AGBL1: variants seen among roughly 807,000 people sequenced by gnomAD.
AGBL1 encodes the protein cytosolic carboxypeptidase 4.
AGBL1 carries 130 observed loss-of-function variants against 118.9 expected under a neutral mutation model. The ratio of observed to expected loss-of-function variants is 1.09; its 90% confidence interval spans 0.95 to 1.26. AGBL1 has a LOEUF of 1.26. Ranked by LOEUF, AGBL1 falls within the 50% of genes most tolerant of loss-of-function variation. The pLI is 0.00. For synonymous variants in AGBL1, 555 were observed against 478.9 expected, an observed-to-expected ratio of 1.16 and a Z score of -2.08; for missense variants, 1,584 against 1,298.1, an observed-to-expected ratio of 1.22 and a Z score of -3.38.
intron 5 of AGBL1, among the ~76,000 whole-genome samples, chr15:86,194,903 G>T (rs1156611846): frequency 1.3e-5 from 2 of 152,140 alleles, no homozygotes; most frequent in African/African-American, 4.8e-5. Flanking sequence ...TGTCATTTAG[G>T]TCTTACTGTA....
intron 21 of AGBL1, among the ~76,000 whole-genome samples, chr15:86,560,769 G>C (rs2083806764): frequency 6.6e-6 from 1 of 152,152 alleles, no homozygotes; most frequent in Admixed American, 6.6e-5. Context: ...GTGTAAAACA[G>C]TTCCTATTTC....
rs534303107 is a variant in AGBL1 at position 86,447,815 on chromosome 15, C to T, written c.2555+50269C>T. ...TGAATACAAAGAGAGGACAGTATAC[C>T]TTGTAAAAGAACTAATAATATAAGG... is the stretch of plus-strand genomic sequence containing the variant. On this transcript the variant is annotated intron_variant, in intron 18 of 22. Coordinates refer to ENST00000614907, the MANE Select transcript of AGBL1 (RefSeq NM_001386094.1). 3.9e-5 allele frequency among the ~76,000 whole-genome samples: 6 copies of T among 152,218 alleles called. No homozygotes were observed. In the East Asian group the frequency reaches 1.2e-3, roughly 29 times the overall value.
intron 9 of AGBL1, among the ~76,000 whole-genome samples, chr15:86,258,425 G>A (rs146597985): frequency 5.5e-4 from 83 of 152,180 alleles, no homozygotes; most frequent in African/African-American, 1.9e-3. Flanking sequence ...TCTGCACAGG[G>A]GTGCTGCATT....
intron 22 of AGBL1, among the ~76,000 whole-genome samples, chr15:86,681,284 A>C (rs1282132523): frequency 1.3e-5 from 2 of 152,064 alleles, no homozygotes; most frequent in African/African-American, 4.8e-5. Flanking sequence ...AATTTTGGTG[A>C]CTTTACATTT....
At chr15:86,233,368 T>A (rs2078487186) in intron 6 of AGBL1, among the ~76,000 whole-genome samples, 1 of 150,554 alleles carries the variant, frequency 6.6e-6, no homozygotes, top group African/African-American at 2.5e-5. Context: ...AGAAATTCTT[T>A]AGTAGCAAAA....
intron 22 of AGBL1, among the ~76,000 whole-genome samples, chr15:86,813,823 T>A (rs1241983528): frequency 6.6e-6 from 1 of 152,202 alleles, no homozygotes. Flanking sequence ...CTAATAATCT[T>A]ACTAGAGATA....
At chr15:86,444,775 C>A (rs570600574) in intron 18 of AGBL1, among the ~76,000 whole-genome samples, 1 of 152,186 alleles carries the variant, frequency 6.6e-6, no homozygotes, top group South Asian at 2.1e-4. Flanking sequence ...CGGCACAAGA[C>A]AAGGGGCCAC....
At chr15:86,426,805 C>T (rs188673512) in intron 18 of AGBL1, among the ~76,000 whole-genome samples, 1 of 152,306 alleles carries the variant, frequency 6.6e-6, no homozygotes, top group Admixed American at 6.5e-5. Flanking sequence ...CTCACTCTGT[C>T]ACCCAGGCTG....
At position 86,465,542 on chromosome 15, in the gene AGBL1, G is replaced by T. The variant is rs569282861; in HGVS notation, c.2556-57268G>T. ...TCAGAAAGCGAATAGGAGAAATATTGCAGAATTCTTTTCTCAGCAACGAAT... is the reference window on the plus strand; with the variant it reads ...TCAGAAAGCGAATAGGAGAAATATTTCAGAATTCTTTTCTCAGCAACGAAT... On this transcript the variant is annotated intron_variant, in intron 18 of 22. Transcript: ENST00000614907. Among the ~76,000 whole-genome samples, 223 of 152,298 alleles carry T rather than the reference G, an allele frequency of 1.5e-3. 6 individuals are homozygous for T. The South Asian group carries it at 0.044, about 30-fold the overall frequency.
chr15:86,495,325 A>T (rs2082835055), intron 18 of AGBL1, among the ~76,000 whole-genome samples: 1 of 151,610 alleles, frequency 6.6e-6, no homozygotes, highest in East Asian at 1.9e-4. Flanking sequence ...CGAAACTCTA[A>T]TGTCGTTTTT....
intron 17 of AGBL1, among the ~76,000 whole-genome samples, chr15:86,373,431 G>A (rs556184503): frequency 6.6e-6 from 1 of 152,296 alleles, no homozygotes; most frequent in South Asian, 2.1e-4. Flanking sequence ...AATCATAGAA[G>A]GCTTGCTCTA....
At chr15:86,410,414 G>A (rs1350912876) in intron 18 of AGBL1, among the ~76,000 whole-genome samples, 1 of 152,080 alleles carries the variant, frequency 6.6e-6, no homozygotes, top group Non-Finnish European at 1.5e-5. Flanking sequence ...CAACAAGACA[G>A]TCAGAAGAAG....
chr15:86,786,432 G>T (rs1033244318), intron 22 of AGBL1, among the ~76,000 whole-genome samples: 1 of 151,238 alleles, frequency 6.6e-6, no homozygotes, highest in African/African-American at 2.4e-5. Context: ...AAGGATATTG[G>T]GTACAATTAA....
At chr15:86,564,201 A>G (rs1049573675) in intron 21 of AGBL1, among the ~76,000 whole-genome samples, 6 of 152,182 alleles carry the variant, frequency 3.9e-5, no homozygotes. Context: ...TTTGCTCATT[A>G]GATGATGCAG....
intron 22 of AGBL1, among the ~76,000 whole-genome samples, chr15:86,699,917 T>C (rs1291488545): frequency 6.6e-6 from 1 of 152,134 alleles, no homozygotes; most frequent in Admixed American, 6.6e-5. Flanking sequence ...CATCCACTGA[T>C]GATTCTTTTT....
intron 22 of AGBL1, among the ~76,000 whole-genome samples, chr15:86,719,105 G>T (rs987605446): frequency 1.3e-5 from 2 of 152,224 alleles, no homozygotes; most frequent in South Asian, 4.2e-4. Flanking sequence ...TCAAAATTTA[G>T]TAAGTGATAG....
At position 86,573,547 on chromosome 15, in the gene AGBL1, G is replaced by T. The variant is rs144160382; in HGVS notation, c.2994+19010G>T. 3.1e-3 allele frequency among the ~76,000 whole-genome samples: 470 copies of T among 152,338 alleles called. 1 individual carries two copies. The highest frequency in any genetic ancestry group is 0.011 in the African/African-American group (449 of 41,570). ...TTTGAAAGTAGGGCAGGGTCAGGAAGTCCTTGATTTTTCTTTTATCCTAGT... is the reference window on the plus strand; with the variant it reads ...TTTGAAAGTAGGGCAGGGTCAGGAATTCCTTGATTTTTCTTTTATCCTAGT... On this transcript the variant is annotated intron_variant, in intron 21 of 22. Transcript: ENST00000614907.
intron 22 of AGBL1, among the ~76,000 whole-genome samples, chr15:86,789,542 G>T (rs948941119): frequency 6.6e-6 from 1 of 152,134 alleles, no homozygotes; most frequent in Non-Finnish European, 1.5e-5. Context: ...AGCTAAGGGG[G>T]AGGTGAGTAA....
chr15:86,634,216 A>G (rs1257879278), intron 21 of AGBL1, among the ~76,000 whole-genome samples: 1 of 152,208 alleles, frequency 6.6e-6, no homozygotes, highest in East Asian at 1.9e-4. Flanking sequence ...GGCTGGGTGT[A>G]TATGCAAGAG....
Sources: gnomAD v4.1 joint callset for allele counts (sites outside exome capture counted in the v4.1 genomes callset) on GRCh38, gnomAD v4.1.1 for gene constraint, MANE v1.5 for transcripts, NCBI Gene and HGNC (gene_info 2026-07-23, HGNC 2026-07-21) for gene names.